Variants in GPHN observed in about 807,000 individuals in gnomAD.
GPHN encodes the protein gephyrin.
A neutral mutation model predicts 95.5 loss-of-function variants in GPHN; 17 were observed. That is an observed-to-expected ratio of 0.18 (90% CI 0.12 to 0.27). The LOEUF (loss-of-function observed/expected upper bound fraction) is 0.27. GPHN is among the 10% of genes least tolerant of loss of function. The pLI is 1.00. For synonymous variants in GPHN, 320 were observed against 322.5 expected (o/e 0.99, Z 0.08); for missense variants, 660 against 978.1 (o/e 0.67, Z 4.34).
At chr14:67,662,364 G>T in the GPHN span, 2 of 1,004,342 alleles carry the variant, frequency 2.0e-6, no homozygotes, top group Non-Finnish European at 3.0e-6. Context: ...GTAAGAAATA[G>T]TCAAAATCAA....
chr14:67,195,113 T>C, the GPHN span, among the ~76,000 whole-genome samples: 1 of 152,182 alleles, frequency 6.6e-6, no homozygotes, highest in African/African-American at 2.4e-5. Context: ...TAGCACACAC[T>C]TCTCAGCTAT....
At chr14:66,815,619 A>G (rs1178746804) in intron 3 of GPHN, among the ~76,000 whole-genome samples, 1 of 152,214 alleles carries the variant, frequency 6.6e-6, no homozygotes. Context: ...TGCTAAGGAA[A>G]TTTATTACTA....
chr14:66,918,166 G>A (rs968826496), intron 6 of GPHN, among the ~76,000 whole-genome samples: 5 of 152,192 alleles, frequency 3.3e-5, no homozygotes, highest in African/African-American at 1.2e-4. Context: ...GGGAGAAAGT[G>A]CATAGGGCAG....
chr14:66,999,655 G>GA (rs557069989), intron 9 of GPHN, among the ~76,000 whole-genome samples: 9 of 149,258 alleles, frequency 6.0e-5, no homozygotes, highest in South Asian at 2.1e-4. Flanking sequence ...CAAGCAAAGT[G>GA]AAAAAAAAAG....
the GPHN span, among the ~76,000 whole-genome samples, chr14:67,509,684 A>G: frequency 6.6e-6 from 1 of 152,090 alleles, no homozygotes. Flanking sequence ...CATTTGGTCT[A>G]TTATCTGATC....
chr14:67,013,276 C>A (rs1270270818), intron 9 of GPHN, among the ~76,000 whole-genome samples: 1 of 151,966 alleles, frequency 6.6e-6, no homozygotes, highest in Non-Finnish European at 1.5e-5. Flanking sequence ...AGCCTAACTT[C>A]CTATGTTTTT....
Position 66,632,198 on chromosome 14 carries a change from T to C in GPHN, c.65-48909T>C, listed in dbSNP as rs553895151. ...AAAATGATTAGATTAAATGAGATAG[T>C]GTAAGTGATGCACTTGGTACAGTGC... On this transcript the variant is annotated intron_variant, in intron 1 of 22. Coordinates refer to ENST00000478722, the MANE Select transcript of GPHN (RefSeq NM_020806.5). Among the ~76,000 whole-genome samples, 160 of 152,294 alleles carry C rather than the reference T, an allele frequency of 1.1e-3. 1 individual carries two copies. The highest frequency in any genetic ancestry group is 2.6e-3 in the Admixed American group (40 of 15,296).
At chr14:66,729,344 A>T (rs909732073) in intron 2 of GPHN, among the ~76,000 whole-genome samples, 1 of 152,208 alleles carries the variant, frequency 6.6e-6, no homozygotes, top group Non-Finnish European at 1.5e-5. Context: ...TCTAGTCCAA[A>T]GTATTTCAGA....
In GPHN at chr14:67,128,764, G is replaced by T. The variant is rs192566610; in HGVS notation, c.1748+6387G>T. Among the ~76,000 whole-genome samples, 873 of 151,776 alleles carry T rather than the reference G, an allele frequency of 5.8e-3. 33 individuals carry two copies. The highest frequency in any genetic ancestry group is 0.045 in the Admixed American group (680 of 15,268). On this transcript the variant is annotated intron_variant, in intron 17 of 22. Coordinates refer to ENST00000478722, the MANE Select transcript of GPHN (RefSeq NM_020806.5). ...AGCCTGGCCAGTATGGTGAAACGCT[G>T]TCTCTACTAAAAATACAAAAATTAG...
At chr14:67,630,586 A>T in the GPHN span, among the ~76,000 whole-genome samples, 2 of 152,204 alleles carry the variant, frequency 1.3e-5, no homozygotes, top group East Asian at 1.9e-4. Flanking sequence ...ATGTTTATTT[A>T]TTTATTTATT....
At chr14:67,214,241 A>G in the GPHN span, among the ~76,000 whole-genome samples, 2 of 152,154 alleles carry the variant, frequency 1.3e-5, no homozygotes, top group Non-Finnish European at 2.9e-5. Context: ...GTCCTTGCCC[A>G]TGCCTATGTC....
intron 6 of GPHN, among the ~76,000 whole-genome samples, chr14:66,922,340 A>T (rs986202656): frequency 6.6e-6 from 1 of 151,800 alleles, no homozygotes; most frequent in Non-Finnish European, 1.5e-5. Context: ...ACAGTTCATG[A>T]CAAAAATATT....
At chr14:67,597,914 C>G in the GPHN span, among the ~76,000 whole-genome samples, 1 of 152,224 alleles carries the variant, frequency 6.6e-6, no homozygotes, top group East Asian at 1.9e-4. Context: ...AACAAGGGAA[C>G]AACCTGGAAC....
chr14:66,678,703 T>C (rs1375550930), intron 1 of GPHN, among the ~76,000 whole-genome samples: 1 of 152,214 alleles, frequency 6.6e-6, no homozygotes, highest in Non-Finnish European at 1.5e-5. Flanking sequence ...ATTTCGTCTT[T>C]CAGTTTTCTG....
chr14:66,867,193 A>C (rs574119621), intron 4 of GPHN, among the ~76,000 whole-genome samples: 1 of 152,330 alleles, frequency 6.6e-6, no homozygotes, highest in East Asian at 1.9e-4. Flanking sequence ...ATAAGATAAT[A>C]TCTCTCAAGT....
chr14:67,000,991 TATA>T (rs1244186903), intron 9 of GPHN, among the ~76,000 whole-genome samples: 1 of 151,594 alleles, frequency 6.6e-6, no homozygotes, highest in Non-Finnish European at 1.5e-5. Context: ...TATTGCCTCA[TATA>T]ATGATCATTT....
Position 67,156,806 on chromosome 14 carries a change from G to A in GPHN, c.1837-2609G>A, listed in dbSNP as rs79569546. Among the ~76,000 whole-genome samples the A allele has an allele frequency of 1.3e-4, 20 of 151,724 alleles. No individual in the cohort carries two copies. In the East Asian group the frequency reaches 2.9e-3, roughly 22 times the overall value. On this transcript the variant is annotated intron_variant, in intron 18 of 22. Transcript: ENST00000478722. ...AGCCTAACCAACGTAATGAAACCTC[G>A]TCTCTATACAAAAATTAGCTGGGTG...
At chr14:67,053,959 A>G (rs1220214116) in intron 10 of GPHN, among the ~76,000 whole-genome samples, 1 of 152,228 alleles carries the variant, frequency 6.6e-6, no homozygotes, top group South Asian at 2.1e-4. Flanking sequence ...GTTGGAACAT[A>G]CCTCAAAATA....
intron 1 of GPHN, among the ~76,000 whole-genome samples, chr14:66,553,647 G>T (rs1387522656): frequency 6.6e-6 from 1 of 151,916 alleles, no homozygotes; most frequent in African/African-American, 2.4e-5. Flanking sequence ...TGCGATCTCT[G>T]TTCACTGCAA....
Sources: gnomAD v4.1 joint callset for allele counts (sites outside exome capture counted in the v4.1 genomes callset) on GRCh38, gnomAD v4.1.1 for gene constraint, MANE v1.5 for transcripts, NCBI Gene and HGNC (gene_info 2026-07-23, HGNC 2026-07-21) for gene names.